The following LUZP2 variants were observed in gnomAD, a reference collection of about 807,000 sequenced individuals.
The protein encoded by LUZP2 is leucine zipper protein 2.
Under a neutral mutation model 51.6 loss-of-function variants are expected in LUZP2, and 52 were observed. The ratio of observed to expected loss-of-function variants is 1.01; its 90% CI spans 0.81 to 1.27. The LOEUF (loss-of-function observed/expected upper bound fraction) is 1.27, where lower values mean the gene tolerates loss of function less well. Among genes scored for constraint, LUZP2 ranks in the 50% most tolerant of loss-of-function variants. The pLI is 0.00. For synonymous variants in LUZP2, 154 were observed against 137.3 expected (o/e 1.12, Z -0.85); for missense variants, 436 against 395.4 (o/e 1.10, Z -0.87).
rs35162727 is a variant in LUZP2 at position 25,081,410 on chromosome 11, C to A, written c.*2752C>A. ...GTTTACTGTGTTATACTCATTGCATCATTTGTTTAAAAAAAAAAAAGAAAC... is the reference window on the plus strand; with the variant it reads ...GTTTACTGTGTTATACTCATTGCATAATTTGTTTAAAAAAAAAAAAGAAAC... On this transcript the variant is annotated 3_prime_UTR_variant, in exon 12 of 12. Coordinates refer to ENST00000336930, the MANE Select transcript of LUZP2 (RefSeq NM_001009909.4). 7 of 149,946 alleles carry A rather than the reference C, an allele frequency of 4.7e-5. No homozygotes were observed. The highest frequency in any genetic ancestry group is 7.4e-5 in the Non-Finnish European group (5 of 67,636). 9.3% of individuals were successfully genotyped at this position (149,946 alleles called of 1,614,324 possible).
chr11:24,725,569 A>C (rs1858443403), intron 1 of LUZP2, among the ~76,000 whole-genome samples: 1 of 152,128 alleles, frequency 6.6e-6, no homozygotes, highest in African/African-American at 2.4e-5. Flanking sequence ...AAAAGGATTA[A>C]TCTAAATAAA....
chr11:24,954,685 A>G (rs1000027749), intron 7 of LUZP2, among the ~76,000 whole-genome samples: 1 of 152,078 alleles, frequency 6.6e-6, no homozygotes, highest in Non-Finnish European at 1.5e-5. Flanking sequence ...AATACAGGAA[A>G]CTAACAGGAC....
intron 5 of LUZP2, among the ~76,000 whole-genome samples, chr11:24,796,491 C>CTCTG (rs1554908552): frequency 8.0e-6 from 1 of 124,616 alleles, no homozygotes; most frequent in Non-Finnish European, 1.7e-5. Context: ...TAATAATAAT[C>CTCTG]TGTGTGTGTG....
chr11:24,857,626 C>CTT (rs1234995762), intron 5 of LUZP2, among the ~76,000 whole-genome samples: 1 of 150,720 alleles, frequency 6.6e-6, no homozygotes, highest in African/African-American at 2.4e-5. Flanking sequence ...ATGTAAAACA[C>CTT]TTAGAGTAGT....
At chr11:24,630,508 G>A (rs187632762) in intron 1 of LUZP2, among the ~76,000 whole-genome samples, 5 of 151,934 alleles carry the variant, frequency 3.3e-5, no homozygotes, top group African/African-American at 1.2e-4. Context: ...TAAATATGTT[G>A]CTTTATTTCT....
chr11:24,972,395 C>T (rs1855766894), intron 7 of LUZP2, among the ~76,000 whole-genome samples: 1 of 151,910 alleles, frequency 6.6e-6, no homozygotes, highest in African/African-American at 2.4e-5. Context: ...CCCAACAAGC[C>T]TATAAGTTAA....
chr11:25,020,958 A>T (rs1055970462), intron 9 of LUZP2, among the ~76,000 whole-genome samples: 1 of 152,046 alleles, frequency 6.6e-6, no homozygotes, highest in Non-Finnish European at 1.5e-5. Flanking sequence ...GAACAGAAAG[A>T]TGAAAAGTTC....
intron 7 of LUZP2, among the ~76,000 whole-genome samples, chr11:24,920,728 G>A (rs1269325137): frequency 6.6e-6 from 1 of 151,810 alleles, no homozygotes; most frequent in Non-Finnish European, 1.5e-5. Context: ...ACTTAAAAAT[G>A]GAAGCTAAAT....
chr11:24,715,431 C>T (rs1858006769), intron 1 of LUZP2, among the ~76,000 whole-genome samples: 1 of 152,004 alleles, frequency 6.6e-6, no homozygotes, highest in African/African-American at 2.4e-5. Context: ...TGAACCTCAC[C>T]AACTTCTCCA....
intron 1 of LUZP2, among the ~76,000 whole-genome samples, chr11:24,713,545 TA>T (rs1414419552): frequency 6.6e-6 from 1 of 151,712 alleles, no homozygotes; most frequent in Admixed American, 6.6e-5. Flanking sequence ...AAATAGAAAA[TA>T]AAAGTTAATA....
intron 9 of LUZP2, among the ~76,000 whole-genome samples, chr11:25,047,170 C>T (rs1565278336): frequency 6.6e-6 from 1 of 152,006 alleles, no homozygotes; most frequent in Non-Finnish European, 1.5e-5. Flanking sequence ...CCAGGGGAGA[C>T]TTCCAGTATT....
chr11:24,711,229 C>T (rs952625279), intron 1 of LUZP2, among the ~76,000 whole-genome samples: 1 of 152,000 alleles, frequency 6.6e-6, no homozygotes, highest in African/African-American at 2.4e-5. Context: ...GCGGGCGGAT[C>T]ACGAGGTCAG....
chr11:24,574,128 CCTTT>C (rs762815239), intron 1 of LUZP2, among the ~76,000 whole-genome samples: 1 of 150,494 alleles, frequency 6.6e-6, no homozygotes, highest in Non-Finnish European at 1.5e-5. Flanking sequence ...TTCTTCCTTT[CCTTT>C]CTCTTTCTTT....
At position 25,004,684 on chromosome 11, in the gene LUZP2, A is replaced by G. The variant is rs998777845; in HGVS notation, c.765+21391A>G. ...TCTTCCTTTCCCTGAATTATGGTGG[A>G]CATCATTGAATAACTCATGGGCTTT... On this transcript the variant is annotated intron_variant, in intron 9 of 11. Transcript: ENST00000336930. Among the ~76,000 whole-genome samples the G allele has an allele frequency of 5.3e-5, 8 of 152,282 alleles. No homozygotes were observed. In the South Asian group the frequency reaches 8.3e-4, roughly 16 times the overall value.
intron 5 of LUZP2, among the ~76,000 whole-genome samples, chr11:24,881,933 A>C (rs1487321219): frequency 6.6e-6 from 1 of 151,978 alleles, no homozygotes; most frequent in Non-Finnish European, 1.5e-5. Context: ...GTTTTATTAT[A>C]GCAAACAACA....
intron 1 of LUZP2, among the ~76,000 whole-genome samples, chr11:24,540,203 T>A (rs1319631840): frequency 6.6e-6 from 1 of 152,102 alleles, no homozygotes; most frequent in African/African-American, 2.4e-5. Context: ...ATGTCTCTCT[T>A]TACAATTACG....
At chr11:25,023,419 T>A (rs983050718) in intron 9 of LUZP2, among the ~76,000 whole-genome samples, 1 of 152,148 alleles carries the variant, frequency 6.6e-6, no homozygotes, top group African/African-American at 2.4e-5. Flanking sequence ...GATTTTCTAG[T>A]TTATTTGCAT....
intron 1 of LUZP2, among the ~76,000 whole-genome samples, chr11:24,601,912 G>GTATATATATGTATATATGTATATATGTA (rs1436965251): frequency 7.3e-6 from 1 of 136,864 alleles, no homozygotes; most frequent in African/African-American, 2.8e-5. Flanking sequence ...ATGTATATAT[G>GTATATATATGTATATATGTATATATGTA]TATATATGTA....
intron 1 of LUZP2, among the ~76,000 whole-genome samples, chr11:24,506,726 C>T (rs768979006): frequency 1.7e-4 from 26 of 152,162 alleles, no homozygotes; most frequent in Middle Eastern, 3.4e-3. Flanking sequence ...TATGACAACA[C>T]ATTATATTCA....
Sources: allele counts gnomAD v4.1 joint callset (sites outside exome capture counted in the v4.1 genomes callset), GRCh38; gene constraint gnomAD v4.1.1; transcripts MANE v1.5; gene names NCBI Gene and HGNC (gene_info 2026-07-23, HGNC 2026-07-21).